The following TUSC3 variants were observed in gnomAD, a reference collection of about 807,000 sequenced individuals.
TUSC3 encodes tumor suppressor candidate 3.
Under a neutral mutation model 44.8 loss-of-function variants are expected in TUSC3, and 45 were observed. The observed-to-expected ratio is 1.00, with a 90% CI of 0.79 to 1.29. The LOEUF (loss-of-function observed/expected upper bound fraction) is 1.29, where lower values mean the gene tolerates loss of function less well. Among genes scored for constraint, TUSC3 ranks in the 50% most tolerant of loss-of-function variants. The pLI, the probability that TUSC3 is intolerant of heterozygous loss-of-function variation, is 0.00. For synonymous variants in TUSC3, 212 were observed against 152.9 expected, an observed-to-expected ratio of 1.39 and a Z score of -2.85; for missense variants, 519 against 437.9, an observed-to-expected ratio of 1.19 and a Z score of -1.65.
chr8:15,524,572 G>T (rs1171950526), intron 2 of TUSC3, among the ~76,000 whole-genome samples: 1 of 152,148 alleles, frequency 6.6e-6, no homozygotes, highest in Non-Finnish European at 1.5e-5. Context: ...AAGTTTATTT[G>T]AGATTTAAAG....
At chr8:15,542,488 C>G (rs1346152155) in intron 1 of TUSC3, among the ~76,000 whole-genome samples, 1 of 151,804 alleles carries the variant, frequency 6.6e-6, no homozygotes, top group African/African-American at 2.4e-5. Flanking sequence ...GGGATATGCC[C>G]TCGGTGGAGA....
At chr8:15,520,670 C>T (rs1801284908) in intron 2 of TUSC3, among the ~76,000 whole-genome samples, 1 of 152,168 alleles carries the variant, frequency 6.6e-6, no homozygotes, top group Admixed American at 6.5e-5. Flanking sequence ...TTTAACTCCT[C>T]CATAGTTTTC....
At chr8:15,481,213 C>G (rs1399903587) in intron 1 of TUSC3, among the ~76,000 whole-genome samples, 2 of 137,196 alleles carry the variant, frequency 1.5e-5, no homozygotes, top group Admixed American at 8.2e-5. Flanking sequence ...CACCATTGCA[C>G]TACAACCTGA....
At chr8:15,588,918 C>A (rs570803555) in intron 1 of TUSC3, among the ~76,000 whole-genome samples, 1 of 152,064 alleles carries the variant, frequency 6.6e-6, no homozygotes, top group Non-Finnish European at 1.5e-5. Flanking sequence ...GCCTTTGTGT[C>A]TGTGTTTGTA....
chr8:15,538,578 G>A (rs574122186), upstream of TUSC3, among the ~76,000 whole-genome samples: 1 of 152,240 alleles, frequency 6.6e-6, no homozygotes, highest in South Asian at 2.1e-4. Context: ...AGTTGATAGG[G>A]TTGTTGTGGA....
At chr8:15,453,626 C>T (rs1432449984) in intron 1 of TUSC3, among the ~76,000 whole-genome samples, 3 of 143,710 alleles carry the variant, frequency 2.1e-5, no homozygotes, top group Admixed American at 1.4e-4. Context: ...TGCTGACTAG[C>T]CAAGACACAG....
chr8:15,472,621 A>G (rs1405714217), intron 1 of TUSC3, among the ~76,000 whole-genome samples: 3 of 152,192 alleles, frequency 2.0e-5, no homozygotes, highest in African/African-American at 7.2e-5. Context: ...TCTGAAACAC[A>G]GCTCATTTCA....
chr8:15,693,616 A>G (rs1046634429), intron 6 of TUSC3, among the ~76,000 whole-genome samples: 2 of 150,938 alleles, frequency 1.3e-5, no homozygotes, highest in African/African-American at 4.9e-5. Context: ...AGAGAATCTC[A>G]TGTGTCTTGG....
the TUSC3 span, among the ~76,000 whole-genome samples, chr8:15,786,811 G>C: frequency 0.23 from 34,829 of 151,506 alleles, 4,274 homozygotes; most frequent in Admixed American, 0.36. Context: ...GGGTGTGGTG[G>C]TGGGCGCCTG....
chr8:15,651,561 G>A lies in TUSC3; in HGVS notation c.426+747G>A, dbSNP rs151292675. 1.2e-3 allele frequency among the ~76,000 whole-genome samples: 178 copies of A among 152,274 alleles called. 1 individual carries two copies. The highest frequency in any genetic ancestry group is 4.2e-3 in the African/African-American group (174 of 41,546). On this transcript the variant is annotated intron_variant, in intron 3 of 10. Coordinates refer to ENST00000503731, the MANE Select transcript of TUSC3 (RefSeq NM_006765.4). ...TGATGTCCATATAAGACGAGGAATC[G>A]GGAGCAGGAGTGCATGTGCAGAGAG...
intron 2 of TUSC3, among the ~76,000 whole-genome samples, chr8:15,527,062 G>A (rs535098373): frequency 2.0e-4 from 30 of 152,262 alleles, no homozygotes; most frequent in East Asian, 1.9e-4. Flanking sequence ...AGAATTCTTC[G>A]TTTTCAACCA....
chr8:15,828,978 T>G, the TUSC3 span, among the ~76,000 whole-genome samples: 1 of 152,200 alleles, frequency 6.6e-6, no homozygotes, highest in Admixed American at 6.5e-5. Flanking sequence ...AAACATGAAT[T>G]GGAAAAAGTA....
At chr8:15,510,784 A>G (rs1801122952) in intron 2 of TUSC3, among the ~76,000 whole-genome samples, 1 of 150,952 alleles carries the variant, frequency 6.6e-6, no homozygotes, top group Non-Finnish European at 1.5e-5. Context: ...AAAAAAAAAC[A>G]GAAAGACAAA....
intron 5 of TUSC3, among the ~76,000 whole-genome samples, chr8:15,671,564 A>G (rs557166566): frequency 2.0e-5 from 3 of 152,122 alleles, no homozygotes; most frequent in African/African-American, 7.2e-5. Flanking sequence ...ACTTCAGATG[A>G]TTCTGTGTAT....
chr8:15,442,187 TA>T (rs2129118622), intron 1 of TUSC3, among the ~76,000 whole-genome samples: 1 of 152,242 alleles, frequency 6.6e-6, no homozygotes, highest in East Asian at 1.9e-4. Flanking sequence ...ATAGTATATA[TA>T]CGATTTTTGT....
chr8:15,747,251 T>G (rs777250908), intron 8 of TUSC3, among the ~76,000 whole-genome samples: 185 of 152,170 alleles, frequency 1.2e-3, no homozygotes, highest in Non-Finnish European at 1.9e-3. Flanking sequence ...TAGAATCATA[T>G]AGATCTGTTT....
chr8:15,640,334 C>T (rs960872067), intron 2 of TUSC3, among the ~76,000 whole-genome samples: 2 of 152,164 alleles, frequency 1.3e-5, no homozygotes, highest in South Asian at 2.1e-4. Flanking sequence ...CAGACTGCAC[C>T]GTGTGCCTTT....
intron 2 of TUSC3, among the ~76,000 whole-genome samples, chr8:15,639,824 C>T (rs1806281548): frequency 7.4e-6 from 1 of 134,746 alleles, no homozygotes. Flanking sequence ...TTAGTACAGT[C>T]AGTCAATATG....
chr8:15,419,580 A>G (rs1180148602), intron 1 of TUSC3, among the ~76,000 whole-genome samples: 1 of 152,222 alleles, frequency 6.6e-6, no homozygotes, highest in Non-Finnish European at 1.5e-5. Flanking sequence ...GTCTACGGTT[A>G]TACGTGTGTG....
Sources: gnomAD v4.1 joint callset for allele counts (sites outside exome capture counted in the v4.1 genomes callset) on GRCh38, gnomAD v4.1.1 for gene constraint, MANE v1.5 for transcripts, NCBI Gene and HGNC (gene_info 2026-07-23, HGNC 2026-07-21) for gene names.